The following DST variants were observed in gnomAD, a reference collection of about 807,000 sequenced individuals.
The protein encoded by DST is dystonin.
Under a neutral mutation model 875.2 loss-of-function variants are expected in DST, and 253 were observed. The ratio of observed to expected loss-of-function variants is 0.29; its 90% confidence interval spans 0.26 to 0.32. DST has a LOEUF of 0.32. Ranked by LOEUF, DST falls within the 10% of genes least tolerant of loss-of-function variation. DST has a pLI of 1.00. For synonymous variants in DST, 3,124 were observed against 3,197.1 expected, an observed-to-expected ratio of 0.98 and a Z score of 0.77; for missense variants, 8,287 against 9,111.6, an observed-to-expected ratio of 0.91 and a Z score of 3.68.
chr6:56,518,522 G>C (rs550570429), intron 69 of DST, among the ~76,000 whole-genome samples: 5 of 152,128 alleles, frequency 3.3e-5, no homozygotes, highest in African/African-American at 1.2e-4. Context: ...CTGGATTTTC[G>C]TTTAAGCTTT....
intron 4 of DST, among the ~76,000 whole-genome samples, chr6:56,769,319 CAGAA>C (rs1187383707): frequency 6.6e-6 from 1 of 152,188 alleles, no homozygotes; most frequent in East Asian, 1.9e-4. Context: ...GGTGGAGCAA[CAGAA>C]ACTCTCTTTA....
Position 56,603,275 on chromosome 6 carries a change from G to A in DST, c.11087C>T (p.Ala3696Val), listed in dbSNP as rs1333504477. 1.2e-6 allele frequency: 2 copies of A among 1,609,818 alleles called. No homozygotes were observed. The highest frequency in any genetic ancestry group is 2.7e-5 in the African/African-American group (2 of 74,806). The change falls in exon 42 of 104, where the codon GCC becomes GTC. Residue 3696 changes from alanine (A) to valine (V), a missense_variant. Physicochemically the swap from Ala to Val is moderately conservative, Grantham distance 64. Transcript: ENST00000680361. ...AGACACGTTGCTGAGGGAAGAGAAGGCGGTCTTCAAACTCTGGTGGCTAAT... is the reference window on the plus strand; with the variant it reads ...AGACACGTTGCTGAGGGAAGAGAAGACGGTCTTCAAACTCTGGTGGCTAAT... ...LSISHQSLKT[A>V]FSSLSNVSSE... is the part of the protein sequence containing the mutation.
chr6:56,605,674 T>A lies in DST; in HGVS notation c.8954A>T (p.Asn2985Ile). 6.2e-7 allele frequency: 1 copy of A among 1,612,990 alleles called. No homozygotes were observed. The highest frequency in any genetic ancestry group is 8.5e-7 in the Non-Finnish European group (1 of 1,179,376). Reference sequence around the variant, plus strand: ...AGATGAGTCAACTTTTGGTGTCATATTCTTAAAATATTCATCTTTACCTTT... The same window carrying A: ...AGATGAGTCAACTTTTGGTGTCATAATCTTAAAATATTCATCTTTACCTTT... ...SVKGKDEYFK[N>I]MTPKVDSSLD... The change falls in exon 40 of 104, where the codon AAT (asparagine) becomes ATT (isoleucine). Residue 2985 changes from asparagine to isoleucine, a missense_variant. Transcript: ENST00000680361.
rs372298934 is a variant in DST, at chr6:56,671,061, TA to T, written c.1048-255del. ...ATTTAGCCCTCATACCTCTCCCTTA[TA>T]AATTTTCCCCATTTTACATATAGGA... On this transcript the variant is annotated intron_variant, in intron 9 of 103. Coordinates refer to ENST00000680361, the MANE Select transcript of DST (RefSeq NM_001374736.1). Among the ~76,000 whole-genome samples, 217 of 152,320 alleles carry T rather than the reference TA, an allele frequency of 1.4e-3. 5 individuals are homozygous for T. Among genetic ancestry groups the T allele is most frequent in the African/African-American group, 4.9e-3 (204 of 41,574 alleles).
Position 56,464,751 on chromosome 6 carries a change from G to C in DST, c.22693C>G (p.His7565Asp). 6.3e-7 allele frequency: 1 copy of C among 1,592,426 alleles called. No homozygotes were observed. The highest frequency in any genetic ancestry group is 8.6e-7 in the Non-Finnish European group (1 of 1,168,620). ...LVKNDPCRVH[H>D]HGSKMLRSES... ...GAACGTAACATTTTACTCCCATGAT[G>C]ATGAACTAGAAAAAATGACACAGGA... Residue 7565 changes from histidine (H) to aspartate (D), a missense_variant, in exon 100 of 104, where the codon CAT (histidine) becomes GAT (aspartate). Transcript: ENST00000680361.
At position 56,511,307 on chromosome 6, in the gene DST, A is replaced by T; in HGVS notation, c.18670T>A (p.Phe6224Ile). The T allele has an allele frequency of 2.5e-6, 4 of 1,606,030 alleles. No homozygotes were observed. Among genetic ancestry groups the T allele is most frequent in the Non-Finnish European group, 2.6e-6 (3 of 1,175,950 alleles). ...GCCACATACTTCTCTTGGATAGAAA[A>T]GCCTTCCCCAGGGCTCAATTCCAGT... ...QLLELSPGEG[F>I]SIQEKYVAAD... The change falls in exon 73 of 104, where the codon TTT becomes ATT. Residue 6224 changes from phenylalanine to isoleucine, a missense_variant. This residue lies in a region of DST where 1,292 missense variants were observed against 1,552.7 expected (regional missense o/e 0.83). Coordinates refer to ENST00000680361, the MANE Select transcript of DST (RefSeq NM_001374736.1).
At position 56,693,446 on chromosome 6, in the gene DST, A is replaced by C. The variant is rs899171117; in HGVS notation, c.1047+6207T>G. 11 of 1,033,714 alleles carry C rather than the reference A, an allele frequency of 1.1e-5. No homozygotes were observed. In the African/African-American group the frequency reaches 1.9e-4, roughly 18 times the overall value. 64.0% of individuals were successfully genotyped at this position (1,033,714 alleles called of 1,614,324 possible). On this transcript the variant is annotated intron_variant, in intron 9 of 103. Coordinates refer to ENST00000680361, the MANE Select transcript of DST (RefSeq NM_001374736.1). ...CAAATTACAACACTGATGAGCTCTC[A>C]AGGCAAACCCTTAGCTTCACTGTAT...
chr6:56,643,305 C>T (rs1010834434), intron 15 of DST, among the ~76,000 whole-genome samples: 102 of 152,252 alleles, frequency 6.7e-4, no homozygotes, highest in Non-Finnish European at 1.1e-3. Flanking sequence ...TTATGAAGTA[C>T]CTATAAACAA....
At chr6:56,532,859 T>C (rs2096920931) in intron 63 of DST, among the ~76,000 whole-genome samples, 1 of 152,158 alleles carries the variant, frequency 6.6e-6, no homozygotes, top group Non-Finnish European at 1.5e-5. Flanking sequence ...CGGAATGAAA[T>C]AAGACTGCCT....
At position 56,464,705 on chromosome 6, in the gene DST, G is replaced by A; in HGVS notation, c.22739C>T (p.Thr7580Ile). ...CCAACCTATAGTAGGCTGAGTAGTA[G>A]TAATTGAAGAGTTTGATTCCGAACG... The part of the protein sequence containing the change: ...MLRSESNSSI[T>I]TTQPTIAKGR... The change falls in exon 100 of 104, where the codon ACT (threonine) becomes ATT (isoleucine). Residue 7580 changes from threonine to isoleucine, a missense_variant. Around this residue, in one of 10 missense-constraint regions of DST, gnomAD observed 64 missense variants for 86.2 expected, o/e 0.74. Transcript: ENST00000680361. 2 of 1,599,894 alleles carry A rather than the reference G, an allele frequency of 1.3e-6. No homozygotes were observed. Among genetic ancestry groups the A allele is most frequent in the Non-Finnish European group, 1.7e-6 (2 of 1,173,236 alleles).
chr6:56,806,782 A>G (rs1432230895), intron 4 of DST, among the ~76,000 whole-genome samples: 9 of 152,334 alleles, frequency 5.9e-5, no homozygotes, highest in Non-Finnish European at 1.5e-5. Flanking sequence ...GGCCTTTAAC[A>G]TACATCAATT....
chr6:56,491,469 T>C (rs1465088599), intron 85 of DST, among the ~76,000 whole-genome samples: 1 of 152,172 alleles, frequency 6.6e-6, no homozygotes, highest in Non-Finnish European at 1.5e-5. Context: ...ACCTCTCTCT[T>C]CCATGGAGTA....
chr6:56,626,068 G>A (rs1331970308), intron 34 of DST, among the ~76,000 whole-genome samples: 1 of 151,750 alleles, frequency 6.6e-6, no homozygotes, highest in African/African-American at 2.4e-5. Context: ...TGTACAATGT[G>A]TTCGTTGTTT....
intron 24 of DST, 125 bp from the exon 25 acceptor site, chr6:56,635,078 A>G: frequency 2.7e-6 from 2 of 746,820 alleles, no homozygotes; most frequent in African/African-American, 1.8e-5. Flanking sequence ...TAAATTTTCA[A>G]TCTTTCCTCC....
intron 4 of DST, among the ~76,000 whole-genome samples, chr6:56,830,625 T>C (rs2099785864): frequency 1.3e-5 from 2 of 152,196 alleles, no homozygotes; most frequent in Non-Finnish European, 2.9e-5. Context: ...GCCACTTCAA[T>C]TAACAACGAA....
intron 43 of DST, among the ~76,000 whole-genome samples, chr6:56,602,320 T>C (rs2098453554): frequency 6.6e-6 from 1 of 151,964 alleles, no homozygotes; most frequent in African/African-American, 2.4e-5. Context: ...TATGTTTAGA[T>C]ACACAAAAAC....
chr6:56,543,187 G>T (rs2097167227), intron 61 of DST, among the ~76,000 whole-genome samples: 1 of 152,208 alleles, frequency 6.6e-6, no homozygotes, highest in African/African-American at 2.4e-5. Context: ...AATGGGAAAA[G>T]GGGGGCTACA....
At chr6:56,940,341 G>T (rs1815826171) in intron 2 of DST, among the ~76,000 whole-genome samples, 1 of 151,156 alleles carries the variant, frequency 6.6e-6, no homozygotes, top group Non-Finnish European at 1.5e-5. Context: ...GAGATACAAG[G>T]TACATAAAAT....
intron 4 of DST, among the ~76,000 whole-genome samples, chr6:56,779,501 G>A (rs1223263002): frequency 6.6e-6 from 1 of 151,882 alleles, no homozygotes; most frequent in Non-Finnish European, 1.5e-5. Context: ...TTTCTTCAAG[G>A]GTTTTTATGG....
Sources: gnomAD v4.1 joint callset for allele counts (sites outside exome capture counted in the v4.1 genomes callset) on GRCh38, gnomAD v4.1.1 for gene constraint, gnomAD v4.1.1 regional missense constraint, MANE v1.5 for transcripts, NCBI Gene and HGNC (gene_info 2026-07-23, HGNC 2026-07-21) for gene names.